POLR1A: variants seen among roughly 807,000 people sequenced by gnomAD.
POLR1A encodes RNA polymerase I subunit A, also known as DNA-directed RNA polymerase I subunit RPA1.
A neutral mutation model predicts 205.3 loss-of-function variants in POLR1A; 84 were observed. The ratio of observed to expected loss-of-function variants is 0.41; its 90% CI spans 0.34 to 0.49. The LOEUF (loss-of-function observed/expected upper bound fraction) is 0.49, where lower values mean the gene tolerates loss of function less well. POLR1A is among the 20% of genes least tolerant of loss of function. POLR1A has a pLI of 0.22. For synonymous variants in POLR1A, 799 were observed against 863.7 expected, an observed-to-expected ratio of 0.93 and a Z score of 1.31; for missense variants, 1,645 against 2,204.5, an observed-to-expected ratio of 0.75 and a Z score of 5.08.
intron 6 of POLR1A, among the ~76,000 whole-genome samples, chr2:86,083,924 G>A (rs530301806): frequency 7.9e-5 from 12 of 152,248 alleles, no homozygotes; most frequent in African/African-American, 2.4e-4. Flanking sequence ...ATGAGAAAAC[G>A]AGGCTTGGGA....
chr2:86,075,099 C>T lies in POLR1A; in HGVS notation c.1542G>A (p.Gln514=), dbSNP rs772316029. 2.0e-5 allele frequency: 32 copies of T among 1,613,054 alleles called. No homozygotes were observed. The Admixed American group carries it at 4.7e-4, about 24-fold the overall frequency. Residue 514 remains glutamine (Q), a synonymous_variant, in exon 12 of 34, where the codon CAG becomes CAA. Coordinates refer to ENST00000263857, the MANE Select transcript of POLR1A (RefSeq NM_015425.6). ...RTALSAVDMT[Q]REAVAKQLLT... ...GAAGCTGCTTGGCCACGGCCTCTCG[C>T]TGGGTCATGTCCACAGCGCTCAGGG... is the stretch of plus-strand genomic sequence containing the variant.
At chr2:86,037,302 C>T (rs1366016584) in intron 27 of POLR1A, among the ~76,000 whole-genome samples, 2 of 152,242 alleles carry the variant, frequency 1.3e-5, no homozygotes, top group African/African-American at 2.4e-5. Flanking sequence ...AACAACTTCA[C>T]CCAGGGCTCG....
At chr2:86,071,643 T>C (rs1324050162) in intron 12 of POLR1A, among the ~76,000 whole-genome samples, 1 of 152,250 alleles carries the variant, frequency 6.6e-6, no homozygotes, top group Admixed American at 6.5e-5. Context: ...TGTACCCCTC[T>C]AAGATAACCA....
intron 21 of POLR1A, 176 bp from the exon 22 acceptor site, chr2:86,044,480 C>A: frequency 1.6e-6 from 1 of 639,650 alleles, no homozygotes; most frequent in Non-Finnish European, 2.7e-6. Flanking sequence ...TCCAGTGTCC[C>A]CCAGCCAGGG....
chr2:86,079,682 C>T (rs898404194), intron 9 of POLR1A, among the ~76,000 whole-genome samples: 3 of 152,210 alleles, frequency 2.0e-5, no homozygotes, highest in Admixed American at 2.0e-4. Context: ...CCCACCTCAG[C>T]CCCCTGAGTA....
intron 6 of POLR1A, among the ~76,000 whole-genome samples, chr2:86,086,337 C>T (rs75575099): frequency 1.2e-4 from 19 of 152,272 alleles, no homozygotes; most frequent in African/African-American, 3.4e-4. Context: ...CCGCCTGACT[C>T]GGCCTCCCGA....
rs1673388086 is a variant in POLR1A, at chr2:86,080,897, T to C, written c.1005A>G (p.Val335=). ...TVNLQAVMKD[V]VLIRKLLALM... ...ATGCCAGAAGTTTTCGAATCAGAAC[T>C]ACATCCTTCATGACAGCCTGCAAGT... Residue 335 remains valine, a synonymous_variant, in exon 9 of 34, where the codon GTA becomes GTG. Coordinates refer to ENST00000263857, the MANE Select transcript of POLR1A (RefSeq NM_015425.6). 3 of 1,614,048 alleles carry C rather than the reference T, an allele frequency of 1.9e-6. 1 individual carries two copies. In the South Asian group the frequency reaches 3.3e-5, roughly 18 times the overall value.
rs958629535 is a variant in POLR1A, at chr2:86,021,476, T to G, written c.*5947A>C. 7 of 152,394 alleles carry G rather than the reference T, an allele frequency of 4.6e-5. No homozygotes were observed. Among genetic ancestry groups the G allele is most frequent in the African/African-American group, 1.7e-4 (7 of 41,470 alleles). The allele number at this position is 152,394 out of a possible 1,614,324, so 9.4% of individuals were successfully genotyped here. On this transcript the variant is annotated 3_prime_UTR_variant, in exon 34 of 34. Transcript: ENST00000263857. The stretch of plus-strand genomic sequence containing the variant: ...TTTTTCAGTTTCCCTCCCTTCTGGC[T>G]GTTGAACACCCAAGTACCTCCCCAC...
intron 27 of POLR1A, among the ~76,000 whole-genome samples, chr2:86,035,598 G>A (rs1035186865): frequency 2.0e-5 from 3 of 152,206 alleles, no homozygotes; most frequent in South Asian, 4.1e-4. Flanking sequence ...GCAATGTCAC[G>A]GCTCTGATGC....
At chr2:86,100,809 G>A (rs182310073) in intron 1 of POLR1A, among the ~76,000 whole-genome samples, 1 of 152,288 alleles carries the variant, frequency 6.6e-6, no homozygotes, top group African/African-American at 2.4e-5. Flanking sequence ...CCAAAGTGCT[G>A]GGATTACAGG....
At chr2:86,031,699 G>A (rs1671275205) in intron 29 of POLR1A, 64 bp from the exon 30 acceptor site, 1 of 1,556,544 alleles carries the variant, frequency 6.4e-7, no homozygotes, top group Non-Finnish European at 8.7e-7. Flanking sequence ...GACTCTGCCT[G>A]TGGAACAAAG....
chr2:86,029,503 T>C (rs1432740210), intron 31 of POLR1A, among the ~76,000 whole-genome samples: 4 of 151,968 alleles, frequency 2.6e-5, no homozygotes, highest in Admixed American at 1.3e-4. Context: ...CCTCTACCCC[T>C]GGGACCCCCT....
At chr2:86,066,205 C>A (rs926656034) in intron 13 of POLR1A, among the ~76,000 whole-genome samples, 3 of 152,104 alleles carry the variant, frequency 2.0e-5, no homozygotes, top group African/African-American at 7.2e-5. Flanking sequence ...GGCACAGGTT[C>A]CTCAAGAGAG....
chr2:86,096,182 T>C (rs1558786820), intron 3 of POLR1A, among the ~76,000 whole-genome samples: 2 of 152,016 alleles, frequency 1.3e-5, no homozygotes, highest in Admixed American at 6.6e-5. Context: ...GGCAATCCCG[T>C]TTATAATAGC....
chr2:86,078,485 T>C (rs1357493540), intron 9 of POLR1A, among the ~76,000 whole-genome samples: 1 of 152,228 alleles, frequency 6.6e-6, no homozygotes, highest in African/African-American at 2.4e-5. Flanking sequence ...AGCACTATTA[T>C]ATATTTACCA....
At position 86,028,098 on chromosome 2, in the gene POLR1A, A is replaced by C; in HGVS notation, c.4898-49T>G. The C allele has an allele frequency of 6.3e-7, 1 of 1,586,052 alleles. No individual in the cohort carries two copies. Among genetic ancestry groups the C allele is most frequent in the Non-Finnish European group, 8.7e-7 (1 of 1,155,500 alleles). ...GGAGGGATTAAGCAGTGACCACGGG[A>C]GCAGTCAGCAGACACAAGCCAAGCT... On this transcript the variant is annotated intron_variant, in intron 32 of 33. Transcript: ENST00000263857. The surrounding 1 kb of genome is among the most constrained non-coding windows in gnomAD (Gnocchi z 4.5).
At chr2:86,035,127 T>G (rs2104383893) in intron 27 of POLR1A, among the ~76,000 whole-genome samples, 1 of 152,318 alleles carries the variant, frequency 6.6e-6, no homozygotes, top group African/African-American at 2.4e-5. Context: ...TGCCTTGGCC[T>G]CCCAAAGTGC....
intron 19 of POLR1A, 150 bp from the exon 20 acceptor site, chr2:86,045,919 G>C (rs1672702301): frequency 1.6e-6 from 1 of 631,736 alleles, no homozygotes; most frequent in African/African-American, 2.0e-5. Flanking sequence ...AAACAAACCA[G>C]GAAGCCTTCA....
At position 86,043,123 on chromosome 2, in the gene POLR1A, T is replaced by C; in HGVS notation, c.3208A>G (p.Arg1070Gly). 5.6e-6 allele frequency: 9 copies of C among 1,614,210 alleles called. No individual in the cohort carries two copies. The highest frequency in any genetic ancestry group is 7.6e-6 in the Non-Finnish European group (9 of 1,180,036). The change falls in exon 23 of 34, where the codon AGA (arginine) becomes GGA (glycine). Residue 1070 changes from arginine (R) to glycine (G), a missense_variant. Physicochemically the swap from Arg to Gly is moderately radical, Grantham distance 125. Transcript: ENST00000263857. ...ADPKKALHHFRAIKKWQSKHP... is the reference protein window; with the variant it reads ...ADPKKALHHFGAIKKWQSKHP... ...TTGCTTTGCCATTTTTTGATAGCTCTGAAGTGGTGGAGAGCTTTTTTGGGA... is the reference window on the plus strand; with the variant it reads ...TTGCTTTGCCATTTTTTGATAGCTCCGAAGTGGTGGAGAGCTTTTTTGGGA...
Sources: allele counts gnomAD v4.1 joint callset (sites outside exome capture counted in the v4.1 genomes callset), GRCh38; gene constraint gnomAD v4.1.1; non-coding constraint Gnocchi (gnomAD v3.1); transcripts MANE v1.5; gene names NCBI Gene and HGNC (gene_info 2026-07-23, HGNC 2026-07-21).